The following MBD5 variants were observed in gnomAD, a reference collection of about 807,000 sequenced individuals.
The protein encoded by MBD5 is methyl-CpG-binding domain protein 5.
In MBD5, 13 loss-of-function variants were observed where a neutral mutation model predicts 117.3. That is an observed-to-expected ratio of 0.11 (90% CI 0.07 to 0.18). The LOEUF (loss-of-function observed/expected upper bound fraction) is 0.18, where lower values mean the gene tolerates loss of function less well. Ranked by LOEUF, MBD5 falls within the 10% of genes least tolerant of loss-of-function variation. The pLI is 1.00. For missense variants in MBD5, 1,879 were observed against 2,093.8 expected (o/e 0.90, Z 2.00); for synonymous variants, 727 against 766.4 (o/e 0.95, Z 0.85).
intron 3 of MBD5, among the ~76,000 whole-genome samples, chr2:148,274,912 G>A (rs547883586): frequency 5.3e-5 from 8 of 151,902 alleles, no homozygotes; most frequent in African/African-American, 7.2e-5. Context: ...TAGTAGAGAC[G>A]GGGTTTCACC....
At chr2:148,433,178 T>C (rs1313034628) in intron 4 of MBD5, among the ~76,000 whole-genome samples, 1 of 152,166 alleles carries the variant, frequency 6.6e-6, no homozygotes, top group East Asian at 1.9e-4. Flanking sequence ...ATGTTGTTGG[T>C]GTATGGGAAT....
chr2:148,277,959 G>A (rs1400737342), intron 3 of MBD5, among the ~76,000 whole-genome samples: 1 of 152,128 alleles, frequency 6.6e-6, no homozygotes, highest in Non-Finnish European at 1.5e-5. Context: ...GTTTTGGCTT[G>A]TGTACACATT....
chr2:148,087,936 A>C (rs1393799507), intron 1 of MBD5, among the ~76,000 whole-genome samples: 1 of 152,192 alleles, frequency 6.6e-6, no homozygotes, highest in Non-Finnish European at 1.5e-5. Context: ...TACCAGAGAA[A>C]GGTGAAAACC....
Position 148,292,000 on chromosome 2 carries a change from C to T in MBD5, c.-679-50214C>T, listed in dbSNP as rs1466398545. ...TTTTCAATAATTGGTGCTGGGAAAA[C>T]TCAATAATCGTATGCAAAAGAATGA... On this transcript the variant is annotated intron_variant, in intron 3 of 13. Transcript: ENST00000642680. 2.0e-5 allele frequency among the ~76,000 whole-genome samples: 3 copies of T among 152,136 alleles called. No individual in the cohort carries two copies. In the East Asian group the frequency reaches 5.8e-4, roughly 29 times the overall value.
intron 4 of MBD5, among the ~76,000 whole-genome samples, chr2:148,439,922 G>T (rs988933073): frequency 6.6e-6 from 1 of 151,910 alleles, no homozygotes; most frequent in African/African-American, 2.4e-5. Flanking sequence ...AAAATTTTTT[G>T]TAGAAACAGG....
chr2:148,059,207 AT>A (rs1376493925), intron 1 of MBD5, among the ~76,000 whole-genome samples: 21 of 152,198 alleles, frequency 1.4e-4, no homozygotes, highest in African/African-American at 4.6e-4. Context: ...GTCTAACATC[AT>A]TTATAAATAT....
intron 4 of MBD5, among the ~76,000 whole-genome samples, chr2:148,359,696 T>C (rs931064460): frequency 1.3e-5 from 2 of 152,218 alleles, no homozygotes; most frequent in Non-Finnish European, 1.5e-5. Flanking sequence ...ATAATAGGAA[T>C]AAACTCTTTA....
At chr2:148,139,214 C>G (rs1050861967) in intron 1 of MBD5, among the ~76,000 whole-genome samples, 1 of 150,744 alleles carries the variant, frequency 6.6e-6, no homozygotes, top group Non-Finnish European at 1.5e-5. Flanking sequence ...TTTTTTTAAC[C>G]TTTTTTTTTG....
intron 1 of MBD5, among the ~76,000 whole-genome samples, chr2:148,109,579 T>C (rs1362762182): frequency 6.6e-6 from 1 of 152,060 alleles, no homozygotes; most frequent in East Asian, 1.9e-4. Flanking sequence ...ATACAAATGA[T>C]CAAAAATTTT....
chr2:148,439,271 T>C (rs1220588831), intron 4 of MBD5, among the ~76,000 whole-genome samples: 1 of 152,154 alleles, frequency 6.6e-6, no homozygotes, highest in Non-Finnish European at 1.5e-5. Context: ...GATTAGGGTG[T>C]TGAGGATTGT....
At position 148,514,968 on chromosome 2, in the gene MBD5, C is replaced by A. The variant is rs1045052513; in HGVS notation, c.*2027C>A. 6.6e-6 allele frequency: 1 copy of A among 152,118 alleles called. No homozygotes were observed. Among genetic ancestry groups the A allele is most frequent in the Admixed American group, 6.5e-5 (1 of 15,276 alleles). 9.4% of individuals were successfully genotyped at this position (152,118 alleles called of 1,614,324 possible). On this transcript the variant is annotated 3_prime_UTR_variant, in exon 14 of 14. Transcript: ENST00000642680. The stretch of plus-strand genomic sequence containing the variant: ...TGTCTCTCTTGTAATGGTGGGATTG[C>A]CTGCCCAGTTCCTTCATGCAGTCAC...
intron 4 of MBD5, among the ~76,000 whole-genome samples, chr2:148,426,334 G>A (rs186043004): frequency 0.015 from 2,260 of 151,512 alleles, 26 homozygotes; most frequent in Non-Finnish European, 0.024. Context: ...AAAAGAGCCC[G>A]CATCGCAAAG....
intron 3 of MBD5, among the ~76,000 whole-genome samples, chr2:148,245,592 G>T (rs1700318933): frequency 2.0e-5 from 3 of 151,814 alleles, no homozygotes; most frequent in Admixed American, 6.6e-5. Flanking sequence ...GTGAGACCCT[G>T]TTTCAAAAAA....
At chr2:148,054,231 T>C (rs1694796187) in intron 1 of MBD5, among the ~76,000 whole-genome samples, 1 of 152,210 alleles carries the variant, frequency 6.6e-6, no homozygotes, top group African/African-American at 2.4e-5. Context: ...TCTTTGATTA[T>C]GTATAAATTC....
intron 1 of MBD5, among the ~76,000 whole-genome samples, chr2:148,043,915 T>G (rs1694445399): frequency 6.6e-6 from 1 of 152,234 alleles, no homozygotes; most frequent in Admixed American, 6.5e-5. Context: ...TACATCAGAC[T>G]GGGATTTTCA....
At chr2:148,417,122 A>C (rs570645268) in intron 4 of MBD5, among the ~76,000 whole-genome samples, 1 of 152,056 alleles carries the variant, frequency 6.6e-6, no homozygotes, top group African/African-American at 2.4e-5. Context: ...TCTTCTTGAC[A>C]TAATGAATTT....
At chr2:148,299,534 G>A (rs916555897) in intron 3 of MBD5, among the ~76,000 whole-genome samples, 1 of 152,116 alleles carries the variant, frequency 6.6e-6, no homozygotes, top group Non-Finnish European at 1.5e-5. Flanking sequence ...GACTACTAAT[G>A]CTCTATTCTG....
rs527528854 is a variant in MBD5, at chr2:148,096,005, C to T, written c.-925+74321C>T. 5.3e-5 allele frequency among the ~76,000 whole-genome samples: 8 copies of T among 152,034 alleles called. No individual in the cohort carries two copies. The South Asian group carries it at 1.2e-3, about 24-fold the overall frequency. ...ATTTTCTAAGGACAAATCAGTTGTCCTTGTATAATCAATGTAATATTTACA... is the reference window on the plus strand; with the variant it reads ...ATTTTCTAAGGACAAATCAGTTGTCTTTGTATAATCAATGTAATATTTACA... On this transcript the variant is annotated intron_variant, in intron 1 of 13. Coordinates refer to ENST00000642680, the MANE Select transcript of MBD5 (RefSeq NM_001378120.1).
rs373715464 is a variant in MBD5 at position 148,278,423 on chromosome 2, CCTT to C, written c.-680+45029_-680+45031del. 4.1e-3 allele frequency among the ~76,000 whole-genome samples: 628 copies of C among 152,008 alleles called. 7 individuals carry two copies. The highest frequency in any genetic ancestry group is 0.015 in the African/African-American group (605 of 41,454). Reference sequence around the variant, plus strand: ...CAAATCTATTTTTACTAATTTTTATCCTTATTATCCATCAGGTTTTGATGGGGT... The same window carrying C: ...CAAATCTATTTTTACTAATTTTTATCATTATCCATCAGGTTTTGATGGGGT... On this transcript the variant is annotated intron_variant, in intron 3 of 13. Coordinates refer to ENST00000642680, the MANE Select transcript of MBD5 (RefSeq NM_001378120.1).
Sources: allele counts gnomAD v4.1 joint callset (sites outside exome capture counted in the v4.1 genomes callset), GRCh38; gene constraint gnomAD v4.1.1; transcripts MANE v1.5; gene names NCBI Gene and HGNC (gene_info 2026-07-23, HGNC 2026-07-21).